Variants in GPC5 observed in about 807,000 individuals in gnomAD.
The protein encoded by GPC5 is glypican-5.
GPC5 carries 47 observed loss-of-function variants against 53.9 expected under a neutral mutation model. The observed-to-expected ratio is 0.87, with a 90% CI of 0.69 to 1.11. GPC5 has a LOEUF of 1.11. GPC5 is among the 50% of genes most tolerant of loss of function. GPC5 has a pLI of 0.00. For missense variants in GPC5, 748 were observed against 713.1 expected (o/e 1.05, Z -0.56); for synonymous variants, 286 against 263.3 (o/e 1.09, Z -0.84).
At chr13:92,089,400 C>G (rs2041361511) in intron 6 of GPC5, among the ~76,000 whole-genome samples, 1 of 152,128 alleles carries the variant, frequency 6.6e-6, no homozygotes, top group South Asian at 2.1e-4. Context: ...GGCCACTGCA[C>G]TCCAGCCTGG....
At chr13:91,478,955 C>T (rs1414447689) in intron 2 of GPC5, among the ~76,000 whole-genome samples, 1 of 142,074 alleles carries the variant, frequency 7.0e-6, no homozygotes, top group African/African-American at 2.6e-5. Context: ...GTTCTGTTAC[C>T]CACGTTGGAG....
intron 6 of GPC5, among the ~76,000 whole-genome samples, chr13:92,049,915 A>C (rs1372196069): frequency 1.3e-5 from 2 of 152,158 alleles, no homozygotes; most frequent in African/African-American, 4.8e-5. Context: ...ATTCAAAAGT[A>C]GCTTGCATTT....
chr13:91,876,869 G>A (rs2039208266), intron 5 of GPC5, among the ~76,000 whole-genome samples: 1 of 152,162 alleles, frequency 6.6e-6, no homozygotes, highest in Admixed American at 6.5e-5. Context: ...GGCCCCAGAG[G>A]AAAAAGTAGT....
intron 2 of GPC5, among the ~76,000 whole-genome samples, chr13:91,542,643 T>C (rs531401717): frequency 5.9e-5 from 9 of 152,258 alleles, no homozygotes; most frequent in Non-Finnish European, 1.2e-4. Flanking sequence ...CGTCATGTGT[T>C]CCATCCGGAA....
chr13:91,580,294 C>A (rs2139082935), intron 2 of GPC5, among the ~76,000 whole-genome samples: 1 of 152,282 alleles, frequency 6.6e-6, no homozygotes, highest in East Asian at 1.9e-4. Context: ...CTGTGATCTG[C>A]CTGCCTTGGC....
intron 7 of GPC5, among the ~76,000 whole-genome samples, chr13:92,597,740 T>C (rs758269639): frequency 3.1e-4 from 47 of 152,218 alleles, no homozygotes; most frequent in Non-Finnish European, 6.5e-4. Context: ...AGAGAAAAGA[T>C]AGGAACCAAA....
At chr13:91,505,122 A>AT (rs932547810) in intron 2 of GPC5, among the ~76,000 whole-genome samples, 39 of 152,146 alleles carry the variant, frequency 2.6e-4, no homozygotes, top group African/African-American at 8.7e-4. Flanking sequence ...TAAGGCGCGT[A>AT]TTTTTTTTCT....
chr13:91,592,097 T>C (rs2139170185), intron 2 of GPC5, among the ~76,000 whole-genome samples: 1 of 152,340 alleles, frequency 6.6e-6, no homozygotes, highest in South Asian at 2.1e-4. Flanking sequence ...AAGTTGATCA[T>C]AGTCCATTGG....
At chr13:92,582,320 G>GTTTTTGGTACCTTT (rs1046527719) in intron 7 of GPC5, among the ~76,000 whole-genome samples, 7 of 151,966 alleles carry the variant, frequency 4.6e-5, no homozygotes, top group African/African-American at 1.7e-4. Flanking sequence ...CCCATTGTGT[G>GTTTTTGGTACCTTT]TTTTTGGTAC....
intron 7 of GPC5, among the ~76,000 whole-genome samples, chr13:92,380,831 C>T (rs941648225): frequency 3.3e-5 from 5 of 151,192 alleles, no homozygotes; most frequent in East Asian, 2.0e-4. Flanking sequence ...GTGGGTGCAG[C>T]GCACCAGCAT....
intron 7 of GPC5, among the ~76,000 whole-genome samples, chr13:92,298,380 G>A (rs776171968): frequency 1.1e-4 from 17 of 152,120 alleles, no homozygotes; most frequent in Non-Finnish European, 1.9e-4. Flanking sequence ...AAATTCAACC[G>A]GAGGTTTCCT....
chr13:92,486,316 A>G (rs762792351), intron 7 of GPC5, among the ~76,000 whole-genome samples: 1 of 152,202 alleles, frequency 6.6e-6, no homozygotes, highest in Non-Finnish European at 1.5e-5. Context: ...TGGTATTTCT[A>G]TCCTCCTATC....
intron 6 of GPC5, among the ~76,000 whole-genome samples, chr13:92,032,490 A>G (rs1290172897): frequency 1.3e-5 from 2 of 151,736 alleles, no homozygotes; most frequent in African/African-American, 4.8e-5. Flanking sequence ...TCAACTTTTT[A>G]CCTCCTCCCT....
chr13:91,481,396 A>G (rs529601276), intron 2 of GPC5, among the ~76,000 whole-genome samples: 1 of 152,348 alleles, frequency 6.6e-6, no homozygotes, highest in East Asian at 1.9e-4. Flanking sequence ...ATTTTGGTAC[A>G]TAGAAAATAT....
intron 7 of GPC5, among the ~76,000 whole-genome samples, chr13:92,430,102 C>T (rs1365031230): frequency 6.8e-6 from 1 of 147,448 alleles, no homozygotes; most frequent in Non-Finnish European, 1.5e-5. Context: ...AACTTTTAGT[C>T]AATTAAAAAA....
chr13:92,150,813 A>G (rs1422022270), intron 7 of GPC5, among the ~76,000 whole-genome samples: 1 of 151,938 alleles, frequency 6.6e-6, no homozygotes, highest in Non-Finnish European at 1.5e-5. Flanking sequence ...ATCCCACGCC[A>G]GAGAACATAA....
chr13:92,441,108 G>C (rs1391832110), intron 7 of GPC5, among the ~76,000 whole-genome samples: 1 of 151,700 alleles, frequency 6.6e-6, no homozygotes, highest in Non-Finnish European at 1.5e-5. Context: ...GTCTCATTTT[G>C]TGACCCCGGC....
At chr13:91,830,768 T>G (rs1230942469) in intron 5 of GPC5, among the ~76,000 whole-genome samples, 1 of 132,232 alleles carries the variant, frequency 7.6e-6, no homozygotes, top group Non-Finnish European at 1.6e-5. Flanking sequence ...ATATATCCTA[T>G]TATATATAAA....
intron 7 of GPC5, among the ~76,000 whole-genome samples, chr13:92,444,939 T>A (rs1260864069): frequency 1.3e-5 from 2 of 152,062 alleles, no homozygotes; most frequent in Non-Finnish European, 1.5e-5. Context: ...ATATCAATGA[T>A]CTTAGCAGGT....
Sources: gnomAD v4.1 joint callset for allele counts (sites outside exome capture counted in the v4.1 genomes callset) on GRCh38, gnomAD v4.1.1 for gene constraint, MANE v1.5 for transcripts, NCBI Gene and HGNC (gene_info 2026-07-23, HGNC 2026-07-21) for gene names.